The following FAM83B variants were observed in gnomAD, a reference collection of about 807,000 sequenced individuals.
The protein encoded by FAM83B is protein FAM83B.
FAM83B carries 26 observed loss-of-function variants against 38.8 expected under a neutral mutation model. The ratio of observed to expected loss-of-function variants is 0.67; its 90% CI spans 0.49 to 0.93. FAM83B has a LOEUF of 0.93. Among genes scored for constraint, FAM83B ranks in the 40% least tolerant of loss-of-function variants. The pLI, the probability that FAM83B is intolerant of heterozygous loss-of-function variation, is 0.00. For missense variants in FAM83B, 1,237 were observed against 1,197.3 expected, an observed-to-expected ratio of 1.03 and a Z score of -0.49; for synonymous variants, 419 against 423.1, an observed-to-expected ratio of 0.99 and a Z score of 0.12.
chr6:54,939,169 G>C (rs1199891645), intron 4 of FAM83B, among the ~76,000 whole-genome samples: 2 of 152,088 alleles, frequency 1.3e-5, no homozygotes, highest in African/African-American at 2.4e-5. Context: ...TCAGTTGGCT[G>C]TAGGTATTTG....
At chr6:54,857,720 AG>A (rs1771474921) in intron 1 of FAM83B, among the ~76,000 whole-genome samples, 1 of 152,134 alleles carries the variant, frequency 6.6e-6, no homozygotes, top group Non-Finnish European at 1.5e-5. Context: ...ATTTTACTGA[AG>A]GGGGTACAGG....
chr6:54,903,512 A>G (rs551895294), intron 2 of FAM83B, among the ~76,000 whole-genome samples: 1 of 152,174 alleles, frequency 6.6e-6, no homozygotes. Flanking sequence ...CAGGCAAAAC[A>G]TGGTAGTTTA....
At chr6:54,884,300 A>G (rs887688474) in intron 2 of FAM83B, among the ~76,000 whole-genome samples, 7 of 23,654 alleles carry the variant, frequency 3.0e-4, no homozygotes, top group African/African-American at 2.0e-3. Context: ...GACCCCGTCT[A>G]AAAAAAAAAA....
At chr6:54,849,629 C>T (rs1274987699) in intron 1 of FAM83B, among the ~76,000 whole-genome samples, 1 of 151,894 alleles carries the variant, frequency 6.6e-6, no homozygotes, top group Non-Finnish European at 1.5e-5. Flanking sequence ...GGCATGCTGT[C>T]TATGTTGGGA....
rs780667730 is a variant in FAM83B at position 54,940,782 on chromosome 6, T to G, written c.1811T>G (p.Leu604Trp). The G allele has an allele frequency of 3.1e-6, 5 of 1,613,856 alleles. No homozygotes were observed. The highest frequency in any genetic ancestry group is 2.7e-5 in the African/African-American group (2 of 74,886). Residue 604 changes from leucine (L) to tryptophan (W), a missense_variant, in exon 5 of 5, where the codon TTG (leucine) becomes TGG (tryptophan). Physicochemically the swap from Leu to Trp is moderately conservative, Grantham distance 61. Coordinates refer to ENST00000306858, the MANE Select transcript of FAM83B (RefSeq NM_001010872.3). ...CCAGAATCAATCCCCAAGCTCCCATTGCAGTCAGAGGCACCAAAAATGCAC... is the reference window on the plus strand; with the variant it reads ...CCAGAATCAATCCCCAAGCTCCCATGGCAGTCAGAGGCACCAAAAATGCAC... ...PLPESIPKLP[L>W]QSEAPKMHTL... is the part of the protein sequence containing the mutation.
At chr6:54,925,065 A>G (rs957876118) in intron 2 of FAM83B, among the ~76,000 whole-genome samples, 1 of 152,100 alleles carries the variant, frequency 6.6e-6, no homozygotes, top group Non-Finnish European at 1.5e-5. Context: ...CATTCCTGCT[A>G]TCTCGTTTCT....
intron 2 of FAM83B, among the ~76,000 whole-genome samples, chr6:54,914,775 C>A (rs1772997050): frequency 6.6e-6 from 1 of 152,100 alleles, no homozygotes; most frequent in African/African-American, 2.4e-5. Context: ...TCCTGGCAAG[C>A]CCACAATCTG....
intron 2 of FAM83B, among the ~76,000 whole-genome samples, chr6:54,901,239 T>C (rs763492893): frequency 7.9e-5 from 12 of 152,182 alleles, no homozygotes; most frequent in Non-Finnish European, 2.9e-5. Context: ...TTAATACATC[T>C]ACCATGTGTT....
chr6:54,943,424 G>A lies in FAM83B; in HGVS notation c.*1417G>A, dbSNP rs1773747068. 1 of 152,166 alleles carries A rather than the reference G, an allele frequency of 6.6e-6. No individual in the cohort carries two copies. Among genetic ancestry groups the A allele is most frequent in the Admixed American group, 6.5e-5 (1 of 15,270 alleles). The allele number at this position is 152,166 out of a possible 1,614,324, so 9.4% of individuals were successfully genotyped here. ...CAGAGTTCAAGAAGCAGTGCATCCTGTGAGAAGTGTGAAGTGTTTGTACAT... is the reference window on the plus strand; with the variant it reads ...CAGAGTTCAAGAAGCAGTGCATCCTATGAGAAGTGTGAAGTGTTTGTACAT... On this transcript the variant is annotated 3_prime_UTR_variant, in exon 5 of 5. Transcript: ENST00000306858.
intron 2 of FAM83B, among the ~76,000 whole-genome samples, chr6:54,875,272 C>T (rs1028418045): frequency 1.3e-5 from 2 of 152,056 alleles, no homozygotes; most frequent in African/African-American, 2.4e-5. Context: ...TTTATTGTGT[C>T]GTGATATGTT....
intron 2 of FAM83B, among the ~76,000 whole-genome samples, chr6:54,871,048 A>G (rs1046028148): frequency 6.6e-6 from 1 of 152,142 alleles, no homozygotes; most frequent in Non-Finnish European, 1.5e-5. Flanking sequence ...TAGTTGGTGG[A>G]TATGGTGAAG....
chr6:54,917,362 A>G (rs771231117), intron 2 of FAM83B, among the ~76,000 whole-genome samples: 3 of 152,178 alleles, frequency 2.0e-5, no homozygotes, highest in Admixed American at 6.5e-5. Context: ...TTTTAGTCTA[A>G]CCCAGAGGTT....
intron 2 of FAM83B, 119 bp downstream of exon 2, chr6:54,870,809 T>A: frequency 3.1e-6 from 3 of 976,978 alleles, no homozygotes; most frequent in Non-Finnish European, 4.4e-6. Flanking sequence ...ATGCCTATTG[T>A]TTTTAGGAAA....
At chr6:54,871,090 A>G (rs986224280) in intron 2 of FAM83B, among the ~76,000 whole-genome samples, 2 of 152,184 alleles carry the variant, frequency 1.3e-5, no homozygotes, top group Non-Finnish European at 2.9e-5. Context: ...CTGAATACCA[A>G]TTCTTGCTCT....
chr6:54,868,910 A>T (rs960257474), intron 1 of FAM83B, among the ~76,000 whole-genome samples: 1 of 152,210 alleles, frequency 6.6e-6, no homozygotes, highest in Non-Finnish European at 1.5e-5. Context: ...AAGATGGTAA[A>T]TGGAGGCACC....
chr6:54,915,955 A>G (rs1289555043), intron 2 of FAM83B, among the ~76,000 whole-genome samples: 1 of 152,196 alleles, frequency 6.6e-6, no homozygotes, highest in Non-Finnish European at 1.5e-5. Flanking sequence ...TGTGCCTTAT[A>G]GAATCCATAG....
intron 2 of FAM83B, among the ~76,000 whole-genome samples, chr6:54,906,891 A>G (rs746386622): frequency 1.3e-5 from 2 of 152,214 alleles, no homozygotes; most frequent in Non-Finnish European, 2.9e-5. Context: ...CAGATACAGC[A>G]GGTATTATAC....
chr6:54,896,562 TA>T (rs1772540625), intron 2 of FAM83B, among the ~76,000 whole-genome samples: 1 of 152,090 alleles, frequency 6.6e-6, no homozygotes, highest in Non-Finnish European at 1.5e-5. Context: ...GCTTGACGTC[TA>T]AAAGGAAAAC....
At chr6:54,883,572 G>C (rs1425720345) in intron 2 of FAM83B, among the ~76,000 whole-genome samples, 1 of 151,248 alleles carries the variant, frequency 6.6e-6, no homozygotes, top group African/African-American at 2.4e-5. Flanking sequence ...TCAACCTCAG[G>C]TGATCTGCCC....
Sources: gnomAD v4.1 joint callset for allele counts (sites outside exome capture counted in the v4.1 genomes callset) on GRCh38, gnomAD v4.1.1 for gene constraint, MANE v1.5 for transcripts, NCBI Gene and HGNC (gene_info 2026-07-23, HGNC 2026-07-21) for gene names.